Variants in ITGB3 observed in about 807,000 individuals in gnomAD.
ITGB3 encodes integrin subunit beta 3.
A neutral mutation model predicts 85.8 loss-of-function variants in ITGB3; 48 were observed. The observed-to-expected ratio is 0.56, with a 90% CI of 0.44 to 0.71. ITGB3 has a LOEUF of 0.71. Ranked by LOEUF, ITGB3 falls within the 30% of genes least tolerant of loss-of-function variation. ITGB3 has a pLI of 0.00. For missense variants in ITGB3, 861 were observed against 1,019.1 expected (o/e 0.84, Z 2.11); for synonymous variants, 363 against 395.6 (o/e 0.92, Z 0.98).
intron 1 of ITGB3, among the ~76,000 whole-genome samples, chr17:47,262,105 A>G (rs988720603): frequency 1.3e-5 from 2 of 152,170 alleles, no homozygotes; most frequent in Admixed American, 1.3e-4. Flanking sequence ...GTCGAAGGGC[A>G]TGCGTATTTT....
chr17:47,283,322 GC>G (rs2065090375), intron 2 of ITGB3, 31 bp from the exon 3 acceptor site: 1 of 1,611,556 alleles, frequency 6.2e-7, no homozygotes, highest in Non-Finnish European at 8.5e-7. Flanking sequence ...AGCTCTGATT[GC>G]TGGACTTCTC....
chr17:47,255,713 C>T (rs1215239107), intron 1 of ITGB3, among the ~76,000 whole-genome samples: 1 of 152,204 alleles, frequency 6.6e-6, no homozygotes, highest in South Asian at 2.1e-4. Context: ...AGCCACCGCA[C>T]CCGGCCAAGG....
Position 47,291,342 on chromosome 17 carries a change from T to C in ITGB3, c.1260+254T>C, listed in dbSNP as rs936108810. The C allele has an allele frequency of 9.9e-5, 60 of 604,290 alleles. No homozygotes were observed. In the Middle Eastern group the frequency reaches 1.7e-3, roughly 17 times the overall value. The allele number at this position is 604,290 out of a possible 1,614,324, so 37.4% of individuals were successfully genotyped here. A position where few individuals can be genotyped will look rare whatever the true frequency, so the allele number is the denominator to read the frequency against. ...GGAATTTGAAAAACTTACAATTTGGTTACCTTTGTTTGTGTATGCACAGTT... is the reference window on the plus strand; with the variant it reads ...GGAATTTGAAAAACTTACAATTTGGCTACCTTTGTTTGTGTATGCACAGTT... On this transcript the variant is annotated intron_variant, in intron 9 of 14. Coordinates refer to ENST00000559488, the MANE Select transcript of ITGB3 (RefSeq NM_000212.3).
chr17:47,284,479 T>C lies in ITGB3; in HGVS notation c.398T>C (p.Val133Ala). 3 of 1,612,978 alleles carry C rather than the reference T, an allele frequency of 1.9e-6. No homozygotes were observed. Among genetic ancestry groups the C allele is most frequent in the South Asian group, 1.1e-5 (1 of 91,054 alleles). ...SKNFSIQVRQ[V>A]EDYPVDIYYL... ...AATTTCTCCATCCAAGTGCGGCAGGTGGAGGATTACCCTGTGGACATCTAC... is the reference window on the plus strand; with the variant it reads ...AATTTCTCCATCCAAGTGCGGCAGGCGGAGGATTACCCTGTGGACATCTAC... The change falls in exon 4 of 15, where the codon GTG becomes GCG. Residue 133 changes from valine (V) to alanine (A), a missense_variant. By Grantham distance (64) the Val-to-Ala change is moderately conservative (BLOSUM62 0). Transcript: ENST00000559488.
chr17:47,306,288 C>A (rs1212791252), intron 13 of ITGB3, among the ~76,000 whole-genome samples: 2 of 152,204 alleles, frequency 1.3e-5, no homozygotes, highest in Non-Finnish European at 2.9e-5. Context: ...CTCTTTCTTT[C>A]TTTTGAGATA....
At chr17:47,280,212 C>T (rs2065078866) in intron 2 of ITGB3, among the ~76,000 whole-genome samples, 5 of 152,218 alleles carry the variant, frequency 3.3e-5, no homozygotes, top group Admixed American at 3.3e-4. Flanking sequence ...TTACTTCTTG[C>T]CTGGGCCAGG....
At chr17:47,272,965 G>A (rs1171421875) in intron 1 of ITGB3, among the ~76,000 whole-genome samples, 1 of 151,966 alleles carries the variant, frequency 6.6e-6, no homozygotes, top group Non-Finnish European at 1.5e-5. Context: ...AGCAGAGATG[G>A]AGTTTCACCA....
At chr17:47,275,918 C>T (rs191193256) in intron 2 of ITGB3, among the ~76,000 whole-genome samples, 9 of 152,308 alleles carry the variant, frequency 5.9e-5, no homozygotes, top group South Asian at 2.1e-4. Context: ...CTGGGCTGAG[C>T]GGGCTGCTCA....
rs1471737872 is a variant in ITGB3 at position 47,302,834 on chromosome 17, G to A, written c.2128G>A (p.Glu710Lys). ...AAAGTCCATCCTGTATGTGGTAGAA[G>A]AGCCAGGTGAGTGAACCCTGACGGC... is the stretch of plus-strand genomic sequence containing the variant. ...SGKSILYVVEEPECPKGPDIL... is the reference protein window; with the variant it reads ...SGKSILYVVEKPECPKGPDIL... The change falls in exon 13 of 15, where the codon GAG (glutamate) becomes AAG (lysine). Residue 710 changes from glutamate (E) to lysine (K), a missense_variant. Physicochemically the swap from Glu to Lys is moderately conservative, Grantham distance 56. Coordinates refer to ENST00000559488, the MANE Select transcript of ITGB3 (RefSeq NM_000212.3). 5.0e-6 allele frequency: 8 copies of A among 1,614,210 alleles called. No homozygotes were observed. Among genetic ancestry groups the A allele is most frequent in the Non-Finnish European group, 6.8e-6 (8 of 1,180,024 alleles).
intron 2 of ITGB3, among the ~76,000 whole-genome samples, chr17:47,275,539 A>G (rs2065060561): frequency 6.6e-6 from 1 of 152,228 alleles, no homozygotes; most frequent in Non-Finnish European, 1.5e-5. Context: ...CTGTCCCACA[A>G]CAAGTCCCAG....
intron 13 of ITGB3, among the ~76,000 whole-genome samples, chr17:47,304,448 G>A (rs2065179444): frequency 6.6e-6 from 1 of 152,164 alleles, no homozygotes. Context: ...ACATGGAATG[G>A]GCTCTTGAGC....
Position 47,310,119 on chromosome 17 carries a change from C to T in ITGB3, c.2302-20C>T, listed in dbSNP as rs1368393887. 6.2e-7 allele frequency: 1 copy of T among 1,610,256 alleles called. No individual in the cohort carries two copies. Among genetic ancestry groups the T allele is most frequent in the South Asian group, 1.1e-5 (1 of 90,972 alleles). ...GACTTAAGGAAGTCACTGTAAGATGCTATTCTGTTTCCTCCACAGGCCAAC... is the reference window on the plus strand; with the variant it reads ...GACTTAAGGAAGTCACTGTAAGATGTTATTCTGTTTCCTCCACAGGCCAAC... On this transcript the variant is annotated intron_variant, in intron 14 of 14. Transcript: ENST00000559488.
chr17:47,285,820 T>G (rs754363791), intron 4 of ITGB3, among the ~76,000 whole-genome samples: 15 of 152,212 alleles, frequency 9.9e-5, no homozygotes, highest in Non-Finnish European at 1.9e-4. Context: ...TTATTGTTAC[T>G]TTAGGAAAGT....
Position 47,292,228 on chromosome 17 carries a change from C to T in ITGB3, c.1350C>T (p.Ser450=), listed in dbSNP as rs1457496016. 6.2e-7 allele frequency: 1 copy of T among 1,614,062 alleles called. No individual in the cohort carries two copies. Among genetic ancestry groups the T allele is most frequent in the African/African-American group, 1.3e-5 (1 of 74,920 alleles). ...TAAAGCCCGTGGGCTTCAAGGACAG[C>T]CTGATCGTCCAGGTCACCTTTGATT... ...FTIKPVGFKD[S]LIVQVTFDCD... Residue 450 remains serine, a synonymous_variant, in exon 10 of 15, where the codon AGC becomes AGT. Transcript: ENST00000559488.
intron 1 of ITGB3, among the ~76,000 whole-genome samples, chr17:47,258,199 G>A (rs570215950): frequency 8.5e-5 from 13 of 152,200 alleles, no homozygotes; most frequent in African/African-American, 2.6e-4. Context: ...CCACCCCATC[G>A]CCTCTGCTCC....
chr17:47,276,477 C>A (rs2065064461), intron 2 of ITGB3, among the ~76,000 whole-genome samples: 1 of 152,110 alleles, frequency 6.6e-6, no homozygotes, highest in South Asian at 2.1e-4. Context: ...ATAGGACCAG[C>A]CTAGGAATTA....
rs756500390 is a variant in ITGB3, at chr17:47,299,548, A to G, written c.1913+18A>G. The stretch of plus-strand genomic sequence containing the variant: ...TTTAAGAAGTGAGTGTGGAGTCTGG[A>G]GAGAGCCGGGAGGCTGGGAGGTAGG... On this transcript the variant is annotated intron_variant, in intron 11 of 14. Transcript: ENST00000559488. The surrounding 1 kb of genome is among the most constrained non-coding windows in gnomAD (Gnocchi z 5.1). 12 of 1,610,414 alleles carry G rather than the reference A, an allele frequency of 7.5e-6. No individual in the cohort carries two copies. In the Middle Eastern group the frequency reaches 6.6e-4, roughly 89 times the overall value.
intron 1 of ITGB3, among the ~76,000 whole-genome samples, 154 bp downstream of exon 1, chr17:47,254,094 C>T (rs1233646024): frequency 6.6e-6 from 1 of 152,166 alleles, no homozygotes; most frequent in Non-Finnish European, 1.5e-5. Context: ...GAGCCGGGAG[C>T]TGGGGACCTT....
At chr17:47,284,410 G>A (rs1347200515) in intron 3 of ITGB3, 33 bp from the exon 4 acceptor site, 1 of 1,613,760 alleles carries the variant, frequency 6.2e-7, no homozygotes, top group Non-Finnish European at 8.5e-7. Context: ...GGTGGGAGAA[G>A]AAGATAAAAA....
Sources: gnomAD v4.1 joint callset for allele counts (sites outside exome capture counted in the v4.1 genomes callset) on GRCh38, gnomAD v4.1.1 for gene constraint, Gnocchi (gnomAD v3.1) non-coding constraint, MANE v1.5 for transcripts, NCBI Gene and HGNC (gene_info 2026-07-23, HGNC 2026-07-21) for gene names.